Variants in LYPLAL1 observed in about 807,000 individuals in gnomAD.
LYPLAL1 encodes lysophospholipase-like protein 1.
In LYPLAL1, 23 loss-of-function variants were observed where a neutral mutation model predicts 19.7. That is an observed-to-expected ratio of 1.17 (90% confidence interval 0.84 to 1.65). The LOEUF (loss-of-function observed/expected upper bound fraction) is 1.65, where lower values mean the gene tolerates loss of function less well. LYPLAL1 is among the 40% of genes most tolerant of loss of function. The probability of loss-of-function intolerance (pLI) is 0.00; values close to 1 mark genes in which losing one functional copy is unlikely to be tolerated. For synonymous variants in LYPLAL1, 119 were observed against 96.3 expected (o/e 1.24, Z -1.38); for missense variants, 355 against 279.4 (o/e 1.27, Z -1.93).
At chr1:219,226,716 A>G in the LYPLAL1 span, among the ~76,000 whole-genome samples, 1 of 152,228 alleles carries the variant, frequency 6.6e-6, no homozygotes, top group Admixed American at 6.5e-5. Context: ...TCAACAGTTA[A>G]CTGTTTATTA....
chr1:219,319,849 C>G, the LYPLAL1 span, among the ~76,000 whole-genome samples: 13 of 152,100 alleles, frequency 8.5e-5, no homozygotes, highest in Admixed American at 6.5e-4. Flanking sequence ...GGGAAGATAC[C>G]AAGTCCCAAT....
At chr1:219,307,040 ATGTATATATATATATATAATC>A in the LYPLAL1 span, among the ~76,000 whole-genome samples, 1 of 33,956 alleles carries the variant, frequency 2.9e-5, no homozygotes, top group Non-Finnish European at 1.1e-4. Flanking sequence ...ATATATATAT[ATGTATATATATATATATAATC>A]ATCTCATCCC....
At chr1:219,194,771 G>A (rs1251338820) in intron 3 of LYPLAL1, among the ~76,000 whole-genome samples, 2 of 152,078 alleles carry the variant, frequency 1.3e-5, no homozygotes, top group Non-Finnish European at 2.9e-5. Context: ...GGGGCTGTAA[G>A]AGAAAGATTT....
chr1:219,303,197 T>A, the LYPLAL1 span, among the ~76,000 whole-genome samples: 1 of 152,230 alleles, frequency 6.6e-6, no homozygotes. Context: ...TTTATTTATT[T>A]GTGCGTTTGT....
downstream of LYPLAL1, among the ~76,000 whole-genome samples, chr1:219,213,884 T>G (rs1010543199): frequency 2.6e-5 from 4 of 152,134 alleles, no homozygotes; most frequent in Non-Finnish European, 5.9e-5. Context: ...GCCTTTTATT[T>G]TCTTTTGTTT....
In LYPLAL1 at chr1:219,173,911, G is replaced by T. The variant is rs1416802754; in HGVS notation, c.21G>T (p.Ser7=). Residue 7 remains serine (S), a synonymous_variant, in exon 1 of 5, where the codon TCG becomes TCT. Transcript: ENST00000366928. MAAASG[S]VLQRCIVSPA... ...CAGCGATGGCGGCTGCGTCGGGGTC[G>T]GTTCTGCAGCGCTGTATCGTGTCGC... 5.0e-6 allele frequency: 8 copies of T among 1,613,452 alleles called. No homozygotes were observed. The highest frequency in any genetic ancestry group is 6.8e-6 in the Non-Finnish European group (8 of 1,179,948).
the LYPLAL1 span, among the ~76,000 whole-genome samples, chr1:219,410,974 G>A: frequency 6.6e-6 from 1 of 152,318 alleles, no homozygotes; most frequent in South Asian, 2.1e-4. Context: ...CCTCCCCGAC[G>A]AGCGCCACCC....
chr1:219,185,188 A>G (rs1320004328), intron 2 of LYPLAL1, among the ~76,000 whole-genome samples: 3 of 151,898 alleles, frequency 2.0e-5, no homozygotes, highest in Non-Finnish European at 4.4e-5. Flanking sequence ...TTTATTGACA[A>G]AAAGATGTTC....
the LYPLAL1 span, among the ~76,000 whole-genome samples, chr1:219,359,564 A>G: frequency 2.0e-5 from 3 of 152,214 alleles, no homozygotes; most frequent in African/African-American, 7.2e-5. Flanking sequence ...CTCATTTTAT[A>G]CTTGAAGGTC....
chr1:219,222,364 C>A, the LYPLAL1 span: 1 of 152,084 alleles, frequency 6.6e-6, no homozygotes, highest in Non-Finnish European at 1.5e-5. Context: ...AAAAATAAGA[C>A]CCTGAATACT....
chr1:219,339,365 G>A, the LYPLAL1 span, among the ~76,000 whole-genome samples: 340 of 152,006 alleles, frequency 2.2e-3, 3 homozygotes, highest in African/African-American at 7.9e-3. Flanking sequence ...TCTATCCCAC[G>A]GTATTATAAT....
Position 219,173,968 on chromosome 1 carries a change from C to A in LYPLAL1, c.78C>A (p.Phe26Leu). The change falls in exon 1 of 5, where the codon TTC (phenylalanine) becomes TTA (leucine). Residue 26 changes from phenylalanine to leucine, a missense_variant. Transcript: ENST00000366928. ...GGAGGCATAGCGCCTCTCTGATCTT[C>A]CTGCATGGCTCAGGTGGATTTCAAT... is the stretch of plus-strand genomic sequence containing the variant. The part of the protein sequence containing the change: ...PAGRHSASLI[F>L]LHGSGDSGQG... 1 of 1,614,120 alleles carries A rather than the reference C, an allele frequency of 6.2e-7. No individual in the cohort carries two copies. The highest frequency in any genetic ancestry group is 1.1e-5 in the South Asian group (1 of 91,088).
At chr1:219,353,715 A>G in the LYPLAL1 span, among the ~76,000 whole-genome samples, 3 of 152,360 alleles carry the variant, frequency 2.0e-5, no homozygotes, top group East Asian at 5.8e-4. Flanking sequence ...ACACTGGACA[A>G]CACAAAAATC....
chr1:219,255,879 T>C, the LYPLAL1 span, among the ~76,000 whole-genome samples: 3 of 151,918 alleles, frequency 2.0e-5, no homozygotes, highest in Non-Finnish European at 4.4e-5. Flanking sequence ...TGCTCCTTTT[T>C]CTTTTAGTGT....
chr1:219,422,612 A>G, the LYPLAL1 span, among the ~76,000 whole-genome samples: 1 of 152,100 alleles, frequency 6.6e-6, no homozygotes, highest in Non-Finnish European at 1.5e-5. Context: ...ATGCAGGAAT[A>G]AAAAAAAGAG....
At chr1:219,249,730 CTTG>C in the LYPLAL1 span, among the ~76,000 whole-genome samples, 4 of 151,974 alleles carry the variant, frequency 2.6e-5, no homozygotes, top group East Asian at 1.9e-4. Flanking sequence ...CATTTTAGCA[CTTG>C]TTGTTTTGCT....
the LYPLAL1 span, among the ~76,000 whole-genome samples, chr1:219,281,478 C>T: frequency 3.3e-5 from 5 of 152,094 alleles, no homozygotes; most frequent in South Asian, 1.0e-3. Flanking sequence ...CCCTGTAAAA[C>T]CCAGAAAGGC....
At chr1:219,337,417 A>G in the LYPLAL1 span, among the ~76,000 whole-genome samples, 1 of 152,038 alleles carries the variant, frequency 6.6e-6, no homozygotes, top group Non-Finnish European at 1.5e-5. Context: ...TGTAGAACAT[A>G]AAACACATAG....
At chr1:219,423,759 T>C in the LYPLAL1 span, among the ~76,000 whole-genome samples, 3 of 152,062 alleles carry the variant, frequency 2.0e-5, no homozygotes, top group Non-Finnish European at 4.4e-5. Context: ...CTCAGAGAGT[T>C]TTAGCAGCAT....
Sources: allele counts gnomAD v4.1 joint callset (sites outside exome capture counted in the v4.1 genomes callset), GRCh38; gene constraint gnomAD v4.1.1; transcripts MANE v1.5; gene names NCBI Gene and HGNC (gene_info 2026-07-23, HGNC 2026-07-21).